Variants in TCERG1L observed in about 807,000 individuals in gnomAD.
The protein encoded by TCERG1L is transcription elongation regulator 1-like protein.
TCERG1L carries 37 observed loss-of-function variants against 56.3 expected under a neutral mutation model. The ratio of observed to expected loss-of-function variants is 0.66; its 90% confidence interval spans 0.51 to 0.87. The LOEUF (loss-of-function observed/expected upper bound fraction) is 0.87, where lower values mean the gene tolerates loss of function less well. TCERG1L is among the 40% of genes least tolerant of loss of function. The pLI, the probability that TCERG1L is intolerant of heterozygous loss-of-function variation, is 0.00. For synonymous variants in TCERG1L, 324 were observed against 326.3 expected (o/e 0.99, Z 0.08); for missense variants, 799 against 774.2 (o/e 1.03, Z -0.38).
intron 3 of TCERG1L, among the ~76,000 whole-genome samples, chr10:131,291,594 T>C (rs1846627706): frequency 6.6e-6 from 1 of 151,198 alleles, no homozygotes; most frequent in African/African-American, 2.4e-5. Context: ...ACCCGGCTAA[T>C]TTTTTGTATT....
intron 9 of TCERG1L, among the ~76,000 whole-genome samples, chr10:131,107,051 G>A (rs1845359086): frequency 1.4e-5 from 2 of 140,940 alleles, no homozygotes; most frequent in Non-Finnish European, 1.5e-5. Flanking sequence ...AGCTTCGACT[G>A]AGTGCCATTG....
rs145300740 is a variant in TCERG1L, at chr10:131,092,940, G to A, written c.*222C>T. 14 of 476,566 alleles carry A rather than the reference G, an allele frequency of 2.9e-5. No homozygotes were observed. Among genetic ancestry groups the A allele is most frequent in the African/African-American group, 1.4e-4 (7 of 50,926 alleles). The allele number at this position is 476,566 out of a possible 1,614,324, so 29.5% of individuals were successfully genotyped here. On this transcript the variant is annotated 3_prime_UTR_variant, in exon 12 of 12. Transcript: ENST00000368642. ...GCATAATTAAAACAATTAAGGGATC[G>A]ACGTATCACGGTGATTAGAAATGCA...
chr10:131,287,787 T>G (rs1461264666), intron 3 of TCERG1L, among the ~76,000 whole-genome samples: 1 of 152,156 alleles, frequency 6.6e-6, no homozygotes, highest in Non-Finnish European at 1.5e-5. Flanking sequence ...CAATTAACTC[T>G]TGCAATAATC....
Position 131,311,418 on chromosome 10 carries a change from A to AGCGGGGCCGCGGGCG in TCERG1L, c.203_217dup (p.Pro68_Pro72dup). 1 of 1,177,910 alleles carries AGCGGGGCCGCGGGCG rather than the reference A, an allele frequency of 8.5e-7. No individual in the cohort carries two copies. Among genetic ancestry groups the AGCGGGGCCGCGGGCG allele is most frequent in the Non-Finnish European group, 1.0e-6 (1 of 955,144 alleles). 73.0% of individuals were successfully genotyped at this position (1,177,910 alleles called of 1,614,324 possible). ...CGGCCAGCCGGGGAGACCGGGGAGC[A>AGCGGGGCCGCGGGCG]GCGGGGCCGCGGGCGGCGGGGCCGA... On this transcript the variant is annotated inframe_insertion, in exon 1 of 12. Transcript: ENST00000368642. This position sits in a 1 kb window ranked among gnomAD's most constrained non-coding sequence, Gnocchi z 4.0.
At chr10:131,300,081 T>A (rs1564836836) in intron 3 of TCERG1L, among the ~76,000 whole-genome samples, 1 of 152,300 alleles carries the variant, frequency 6.6e-6, no homozygotes, top group East Asian at 1.9e-4. Flanking sequence ...CTACAGAGAA[T>A]GAATTCTTCT....
intron 4 of TCERG1L, among the ~76,000 whole-genome samples, chr10:131,239,588 C>T (rs1845949787): frequency 6.6e-6 from 1 of 152,236 alleles, no homozygotes; most frequent in Non-Finnish European, 1.5e-5. Context: ...CGCATCGGCC[C>T]TCAGACATCC....
chr10:131,269,462 T>C (rs1397574851), intron 3 of TCERG1L, among the ~76,000 whole-genome samples: 6 of 152,210 alleles, frequency 3.9e-5, no homozygotes, highest in Non-Finnish European at 8.8e-5. Context: ...GCTGGGATTA[T>C]AGGCATGAGC....
chr10:131,189,551 T>A (rs1374174651), intron 4 of TCERG1L, among the ~76,000 whole-genome samples: 1 of 152,248 alleles, frequency 6.6e-6, no homozygotes, highest in African/African-American at 2.4e-5. Context: ...GTAATCTATA[T>A]ATACCACATT....
intron 8 of TCERG1L, among the ~76,000 whole-genome samples, chr10:131,129,476 G>A (rs1460202430): frequency 6.6e-6 from 1 of 152,218 alleles, no homozygotes; most frequent in Non-Finnish European, 1.5e-5. Flanking sequence ...GCGTGGAGGC[G>A]AACTGTGTTA....
intron 4 of TCERG1L, among the ~76,000 whole-genome samples, chr10:131,177,989 C>T (rs897251577): frequency 4.6e-5 from 7 of 152,168 alleles, no homozygotes; most frequent in Middle Eastern, 3.4e-3. Context: ...TGGCATGTTG[C>T]CATTTTGATG....
chr10:131,304,272 T>C (rs1846797144), intron 3 of TCERG1L, among the ~76,000 whole-genome samples: 1 of 152,068 alleles, frequency 6.6e-6, no homozygotes, highest in Admixed American at 6.5e-5. Flanking sequence ...CACTGCTTGA[T>C]ATTCTTGATA....
chr10:131,273,927 A>G (rs553674632), intron 3 of TCERG1L, among the ~76,000 whole-genome samples: 1 of 152,330 alleles, frequency 6.6e-6, no homozygotes, highest in South Asian at 2.1e-4. Context: ...CCCCCGTGAA[A>G]AGCTTCCCAA....
intron 6 of TCERG1L, among the ~76,000 whole-genome samples, chr10:131,155,560 C>A (rs920283614): frequency 1.3e-5 from 2 of 152,222 alleles, no homozygotes; most frequent in African/African-American, 4.8e-5. Context: ...CGGGATGTCA[C>A]CCTGCTCTTG....
intron 4 of TCERG1L, among the ~76,000 whole-genome samples, chr10:131,190,739 T>C (rs1845293090): frequency 6.9e-6 from 1 of 143,966 alleles, no homozygotes. Flanking sequence ...AAGCCATATG[T>C]GACAGACCCA....
chr10:131,094,160 G>T (rs1218613142), intron 11 of TCERG1L, among the ~76,000 whole-genome samples: 7 of 152,224 alleles, frequency 4.6e-5, no homozygotes, highest in Admixed American at 1.3e-4. Flanking sequence ...GCAACTTCCT[G>T]TTCTCTTAGC....
chr10:131,298,468 C>T lies in TCERG1L; in HGVS notation c.670+9743G>A, dbSNP rs149301488. 5.9e-5 allele frequency among the ~76,000 whole-genome samples: 9 copies of T among 152,148 alleles called. No individual in the cohort carries two copies. The East Asian group carries it at 1.7e-3, about 29-fold the overall frequency. On this transcript the variant is annotated intron_variant, in intron 3 of 11. Transcript: ENST00000368642. ...TCACTCTGTTGCCCAGGCTGGAGTA[C>T]AGTGGCATGATCTCGGCTAAGTGCA...
At chr10:131,190,011 A>C (rs1845287550) in intron 4 of TCERG1L, among the ~76,000 whole-genome samples, 1 of 152,234 alleles carries the variant, frequency 6.6e-6, no homozygotes. Flanking sequence ...AATAAACAAA[A>C]TTAATAGATC....
chr10:131,161,116 T>C (rs1845972850), intron 6 of TCERG1L: 1 of 152,366 alleles, frequency 6.6e-6, no homozygotes, highest in South Asian at 2.1e-4. Context: ...CTCTCAACCA[T>C]GGACTGACCA....
At chr10:131,093,944 G>A (rs1845213374) in intron 11 of TCERG1L, among the ~76,000 whole-genome samples, 1 of 152,156 alleles carries the variant, frequency 6.6e-6, no homozygotes, top group Non-Finnish European at 1.5e-5. Context: ...TAAATGCCCT[G>A]AATGTCCAGC....
Sources: allele counts gnomAD v4.1 joint callset (sites outside exome capture counted in the v4.1 genomes callset), GRCh38; gene constraint gnomAD v4.1.1; non-coding constraint Gnocchi (gnomAD v3.1); transcripts MANE v1.5; gene names NCBI Gene and HGNC (gene_info 2026-07-23, HGNC 2026-07-21).